ZNF385D: variants seen among roughly 807,000 people sequenced by gnomAD.
The protein encoded by ZNF385D is zinc finger protein 659.
A neutral mutation model predicts 35.8 loss-of-function variants in ZNF385D; 15 were observed. The ratio of observed to expected loss-of-function variants is 0.42; its 90% CI spans 0.28 to 0.64. ZNF385D has a LOEUF of 0.64. ZNF385D is among the 30% of genes least tolerant of loss of function. ZNF385D has a pLI of 0.23. For synonymous variants in ZNF385D, 212 were observed against 186.8 expected, an observed-to-expected ratio of 1.13 and a Z score of -1.10; for missense variants, 474 against 494.6, an observed-to-expected ratio of 0.96 and a Z score of 0.39.
At chr3:22,264,092 G>C (rs747822579) in intron 2 of ZNF385D, among the ~76,000 whole-genome samples, 17 of 152,050 alleles carry the variant, frequency 1.1e-4, no homozygotes, top group Admixed American at 2.6e-4. Flanking sequence ...GTAGGAAGAA[G>C]CTAAGACAGA....
intron 2 of ZNF385D, among the ~76,000 whole-genome samples, chr3:21,565,549 T>C (rs2063112754): frequency 1.1e-5 from 1 of 91,318 alleles, no homozygotes. Flanking sequence ...CAGCCCTTGA[T>C]CTTAATTCTT....
chr3:22,066,757 T>C (rs1051153427), intron 3 of ZNF385D, among the ~76,000 whole-genome samples: 3 of 152,160 alleles, frequency 2.0e-5, no homozygotes, highest in Non-Finnish European at 4.4e-5. Context: ...ATTTACTGGA[T>C]GTTTCCTAGT....
chr3:21,927,956 G>A lies in ZNF385D; in HGVS notation c.325+240861C>T, dbSNP rs539892271. Among the ~76,000 whole-genome samples, 9 of 152,204 alleles carry A rather than the reference G, an allele frequency of 5.9e-5. No individual in the cohort carries two copies. In the East Asian group the frequency reaches 1.5e-3, roughly 26 times the overall value. Reference sequence around the variant, plus strand: ...GAAATCACATTGGCTAGACATGGTGGCTTGTGCCTGAAATCCCAATATTTT... The same window carrying A: ...GAAATCACATTGGCTAGACATGGTGACTTGTGCCTGAAATCCCAATATTTT... On this transcript the variant is annotated intron_variant, in intron 3 of 5. Coordinates refer to the ZNF385D transcript ENST00000494108.
At chr3:22,029,734 T>C (rs1697806879) in intron 3 of ZNF385D, among the ~76,000 whole-genome samples, 1 of 152,174 alleles carries the variant, frequency 6.6e-6, no homozygotes, top group African/African-American at 2.4e-5. Flanking sequence ...AGTATTTGGG[T>C]TGGGGATTGG....
intron 2 of ZNF385D, among the ~76,000 whole-genome samples, chr3:22,197,786 C>G (rs547420056): frequency 2.0e-5 from 3 of 152,188 alleles, no homozygotes; most frequent in Non-Finnish European, 2.9e-5. Context: ...AGACAAATGA[C>G]TTGATGAACA....
chr3:21,494,626 A>C (rs543187812), intron 4 of ZNF385D, among the ~76,000 whole-genome samples: 15 of 152,196 alleles, frequency 9.9e-5, no homozygotes, highest in Non-Finnish European at 4.4e-5. Context: ...CTAACTCAGA[A>C]CCTGGTTTCT....
intron 3 of ZNF385D, among the ~76,000 whole-genome samples, chr3:22,030,838 C>T (rs1482728485): frequency 6.6e-6 from 1 of 152,170 alleles, no homozygotes; most frequent in Non-Finnish European, 1.5e-5. Context: ...GTCCCTTCTA[C>T]CTATGAACCT....
At chr3:22,152,253 G>C (rs1390642491) in intron 3 of ZNF385D, among the ~76,000 whole-genome samples, 1 of 152,072 alleles carries the variant, frequency 6.6e-6, no homozygotes, top group Non-Finnish European at 1.5e-5. Flanking sequence ...CAAATGCTTA[G>C]TATTCCCTAT....
chr3:21,678,980 G>C (rs957010303), intron 1 of ZNF385D, among the ~76,000 whole-genome samples: 1 of 151,950 alleles, frequency 6.6e-6, no homozygotes, highest in Non-Finnish European at 1.5e-5. Flanking sequence ...TGCCCTTCAA[G>C]GTTCAGCTGA....
intron 3 of ZNF385D, among the ~76,000 whole-genome samples, chr3:21,920,942 G>T (rs958429944): frequency 6.6e-6 from 1 of 152,044 alleles, no homozygotes; most frequent in Non-Finnish European, 1.5e-5. Flanking sequence ...TGGGTAAGGC[G>T]CAGTGGCTCA....
intron 3 of ZNF385D, among the ~76,000 whole-genome samples, chr3:21,931,135 G>A (rs1179142421): frequency 3.3e-5 from 5 of 152,038 alleles, no homozygotes; most frequent in African/African-American, 1.2e-4. Context: ...AATTAAACAT[G>A]GAGAAAGGAT....
rs559880088 is a variant in ZNF385D, at chr3:22,338,600, TGA to T, written c.106+33848_106+33849del. Among the ~76,000 whole-genome samples, 61 of 152,282 alleles carry T rather than the reference TGA, an allele frequency of 4.0e-4. 2 individuals carry two copies. In the South Asian group the frequency reaches 0.011, roughly 28 times the overall value. On this transcript the variant is annotated intron_variant, in intron 2 of 5. Transcript: ENST00000494108. ...TGTCTTATCTTTTCTATTCATATTT[TGA>T]GAGTTGCTTTCACAGTACAGAATGT...
At chr3:21,571,902 C>A (rs756844326) in intron 2 of ZNF385D, among the ~76,000 whole-genome samples, 89 of 152,118 alleles carry the variant, frequency 5.9e-4, no homozygotes, top group Admixed American at 7.2e-4. Flanking sequence ...AATCGTGATG[C>A]ATTACCCTCC....
At chr3:22,086,693 T>A (rs62246394) in intron 3 of ZNF385D, among the ~76,000 whole-genome samples, 3 of 152,092 alleles carry the variant, frequency 2.0e-5, no homozygotes, top group Non-Finnish European at 2.9e-5. Context: ...CAAATGTCCA[T>A]CAATGATAGA....
intron 3 of ZNF385D, among the ~76,000 whole-genome samples, chr3:21,969,280 C>T (rs772803691): frequency 4.6e-5 from 7 of 152,056 alleles, no homozygotes; most frequent in Admixed American, 1.3e-4. Context: ...ATAATCCCCA[C>T]GTGTTAAGGG....
At chr3:22,234,314 C>G (rs961554396) in intron 2 of ZNF385D, among the ~76,000 whole-genome samples, 19 of 152,196 alleles carry the variant, frequency 1.2e-4, no homozygotes, top group Admixed American at 1.2e-3. Context: ...ATTGCTTCAT[C>G]CAGCAATTCA....
At chr3:21,781,143 T>C (rs555088085) in intron 3 of ZNF385D, among the ~76,000 whole-genome samples, 2 of 152,130 alleles carry the variant, frequency 1.3e-5, no homozygotes, top group African/African-American at 2.4e-5. Context: ...AGGTCAGCTA[T>C]AGTGTTCCTT....
chr3:21,796,467 A>C (rs2072156395), intron 3 of ZNF385D, among the ~76,000 whole-genome samples: 1 of 152,218 alleles, frequency 6.6e-6, no homozygotes, highest in African/African-American at 2.4e-5. Flanking sequence ...TAGGTAGGCA[A>C]GGCTAGTTCA....
chr3:22,107,297 A>G (rs896536476), intron 3 of ZNF385D, among the ~76,000 whole-genome samples: 1 of 152,002 alleles, frequency 6.6e-6, no homozygotes, highest in Non-Finnish European at 1.5e-5. Flanking sequence ...TGCTGGGATT[A>G]CAGGCACGAG....
Sources: gnomAD v4.1 joint callset for allele counts (sites outside exome capture counted in the v4.1 genomes callset) on GRCh38, gnomAD v4.1.1 for gene constraint, MANE v1.5 for transcripts, NCBI Gene and HGNC (gene_info 2026-07-23, HGNC 2026-07-21) for gene names.